NBEA: variants seen among roughly 807,000 people sequenced by gnomAD.
NBEA encodes lysosomal-trafficking regulator 2.
NBEA carries 44 observed loss-of-function variants against 343.4 expected under a neutral mutation model. The ratio of observed to expected loss-of-function variants is 0.13; its 90% CI spans 0.10 to 0.16. NBEA has a LOEUF of 0.16. Among genes scored for constraint, NBEA ranks in the 10% least tolerant of loss-of-function variants. NBEA has a pLI of 1.00. For synonymous variants in NBEA, 1,175 were observed against 1,238.7 expected (o/e 0.95, Z 1.08); for missense variants, 2,555 against 3,631.3 (o/e 0.70, Z 7.62).
chr13:35,131,922 A>C (rs545629725), intron 17 of NBEA, among the ~76,000 whole-genome samples: 2 of 152,322 alleles, frequency 1.3e-5, no homozygotes, highest in South Asian at 4.1e-4. Context: ...TCCCTGAGTC[A>C]AAAAAGAAAT....
chr13:35,034,051 AGTGTTAACC>A, intron 1 of NBEA, among the ~76,000 whole-genome samples: 1 of 151,984 alleles, frequency 6.6e-6, no homozygotes, highest in Non-Finnish European at 1.5e-5. Flanking sequence ...GTTGAATAAC[AGTGTTAACC>A]GTGGGTATCC....
At position 34,985,776 on chromosome 13, in the gene NBEA, G is replaced by A. The variant is rs548560849; in HGVS notation, c.294+42662G>A. The stretch of plus-strand genomic sequence containing the variant: ...TGGTTTAGTCTTGGGAGGGTGTATT[G>A]TTCAGGAATTTATCCATTTCTTCTA... On this transcript the variant is annotated intron_variant, in intron 1 of 58. Transcript: ENST00000379939. 6.0e-5 allele frequency among the ~76,000 whole-genome samples: 9 copies of A among 150,826 alleles called. 1 individual carries two copies. In the South Asian group the frequency reaches 6.3e-4, roughly 11 times the overall value.
chr13:35,395,903 A>G (rs1180370097), intron 38 of NBEA, among the ~76,000 whole-genome samples: 1 of 152,102 alleles, frequency 6.6e-6, no homozygotes, highest in Non-Finnish European at 1.5e-5. Context: ...TATTTCTGGT[A>G]ATGGTACTTG....
rs376818940 is a variant in NBEA at position 35,544,572 on chromosome 13, A to G, written c.6586-5905A>G. ...CACATATTTGAGTAGGTGGTTTACA[A>G]GGGATTTCTATGACATTTGTATTGT... On this transcript the variant is annotated intron_variant, in intron 41 of 58. Coordinates refer to ENST00000379939, the MANE Select transcript of NBEA (RefSeq NM_001385012.1). 1.8e-4 allele frequency among the ~76,000 whole-genome samples: 28 copies of G among 152,306 alleles called. No homozygotes were observed. The South Asian group carries it at 3.5e-3, about 19-fold the overall frequency.
intron 35 of NBEA, among the ~76,000 whole-genome samples, chr13:35,304,937 A>C (rs1330228214): frequency 6.6e-6 from 1 of 152,034 alleles, no homozygotes; most frequent in East Asian, 1.9e-4. Context: ...TTGGTTTTTC[A>C]ATTTTAAATA....
rs192788605 is a variant in NBEA at position 35,033,181 on chromosome 13, A to G, written c.295-7752A>G. 5.9e-5 allele frequency among the ~76,000 whole-genome samples: 9 copies of G among 151,996 alleles called. No homozygotes were observed. The East Asian group carries it at 1.5e-3, about 26-fold the overall frequency. The stretch of plus-strand genomic sequence containing the variant: ...TAATCCACTTTGATTTGATTTTTGT[A>G]TATCATGAGAGATAGGGGTTTAGTT... On this transcript the variant is annotated intron_variant, in intron 1 of 58. Coordinates refer to ENST00000379939, the MANE Select transcript of NBEA (RefSeq NM_001385012.1).
intron 41 of NBEA, among the ~76,000 whole-genome samples, chr13:35,538,824 G>T (rs561341527): frequency 2.1e-4 from 32 of 152,332 alleles, no homozygotes; most frequent in African/African-American, 6.5e-4. Context: ...TCCCACATTA[G>T]AGATGCTCAA....
intron 10 of NBEA, among the ~76,000 whole-genome samples, chr13:35,086,105 C>G (rs2064746615): frequency 6.6e-6 from 1 of 152,068 alleles, no homozygotes; most frequent in Admixed American, 6.6e-5. Context: ...GAAGAACATT[C>G]CATGCTCATG....
intron 8 of NBEA, among the ~76,000 whole-genome samples, chr13:35,063,606 T>A (rs2152570217): frequency 6.6e-6 from 1 of 152,064 alleles, no homozygotes; most frequent in East Asian, 1.9e-4. Flanking sequence ...ATGACTTTAT[T>A]TTTGCTCTTG....
chr13:35,590,636 C>T (rs1012064423), intron 46 of NBEA, among the ~76,000 whole-genome samples: 2 of 151,970 alleles, frequency 1.3e-5, no homozygotes, highest in African/African-American at 2.4e-5. Flanking sequence ...ATAAGAAGTA[C>T]GGCTTTGCAT....
At chr13:35,569,968 G>A (rs908712380) in intron 45 of NBEA, among the ~76,000 whole-genome samples, 2 of 152,184 alleles carry the variant, frequency 1.3e-5, no homozygotes, top group East Asian at 3.9e-4. Context: ...AAATGAGGAA[G>A]TCACTGTTTC....
chr13:34,976,006 C>T (rs1197124535), intron 1 of NBEA, among the ~76,000 whole-genome samples: 1 of 152,132 alleles, frequency 6.6e-6, no homozygotes, highest in African/African-American at 2.4e-5. Context: ...TTGTGGAAAA[C>T]AGTGTCGAGA....
At chr13:35,070,146 T>G (rs2063808818) in intron 9 of NBEA, 41 bp downstream of exon 9, 1 of 1,426,104 alleles carries the variant, frequency 7.0e-7, no homozygotes, top group Non-Finnish European at 9.3e-7. Context: ...CTTGTCAGAA[T>G]TTGACAGTAT....
intron 35 of NBEA, among the ~76,000 whole-genome samples, chr13:35,293,904 T>G (rs1220705994): frequency 6.6e-6 from 1 of 152,036 alleles, no homozygotes; most frequent in Non-Finnish European, 1.5e-5. Flanking sequence ...GAAAACATTT[T>G]ATAAATTGAG....
intron 10 of NBEA, among the ~76,000 whole-genome samples, chr13:35,071,880 A>C (rs1468041493): frequency 6.6e-6 from 1 of 151,936 alleles, no homozygotes; most frequent in Non-Finnish European, 1.5e-5. Context: ...TGGATATGAG[A>C]TTTGTACATT....
chr13:35,153,294 A>G (rs2068922748), intron 18 of NBEA, among the ~76,000 whole-genome samples: 1 of 152,008 alleles, frequency 6.6e-6, no homozygotes, highest in African/African-American at 2.4e-5. Context: ...CGGCCTCCCA[A>G]AGTGCTGGGA....
intron 45 of NBEA, among the ~76,000 whole-genome samples, chr13:35,575,089 C>G (rs1481859517): frequency 6.6e-6 from 1 of 152,144 alleles, no homozygotes; most frequent in Non-Finnish European, 1.5e-5. Flanking sequence ...CAAAGATGAT[C>G]TTTCTTCATA....
At chr13:35,229,454 A>G (rs1228431233) in intron 33 of NBEA, among the ~76,000 whole-genome samples, 1 of 152,196 alleles carries the variant, frequency 6.6e-6, no homozygotes, top group Non-Finnish European at 1.5e-5. Context: ...AATTTGCTGA[A>G]GAATACCTGG....
intron 1 of NBEA, among the ~76,000 whole-genome samples, chr13:34,977,235 C>A (rs1446640442): frequency 2.0e-5 from 3 of 151,604 alleles, no homozygotes; most frequent in African/African-American, 7.3e-5. Flanking sequence ...CCACTGCGCC[C>A]AGCTAGACCT....
Sources: gnomAD v4.1 joint callset for allele counts (sites outside exome capture counted in the v4.1 genomes callset) on GRCh38, gnomAD v4.1.1 for gene constraint, MANE v1.5 for transcripts, NCBI Gene and HGNC (gene_info 2026-07-23, HGNC 2026-07-21) for gene names.